The following EYS variants were observed in gnomAD, a reference collection of about 807,000 sequenced individuals.
EYS encodes the protein protein eyes shut homolog.
Under a neutral mutation model 282.1 loss-of-function variants are expected in EYS, and 250 were observed. That is an observed-to-expected ratio of 0.89 (90% CI 0.80 to 0.98). EYS has a LOEUF of 0.98. Ranked by LOEUF, EYS falls within the 50% of genes least tolerant of loss-of-function variation. The pLI is 0.00. For synonymous variants in EYS, 1,355 were observed against 1,282.9 expected (o/e 1.06, Z -1.20); for missense variants, 4,016 against 3,709.0 (o/e 1.08, Z -2.15).
chr6:65,052,523 G>T (rs1773301461), intron 13 of EYS, among the ~76,000 whole-genome samples: 1 of 151,572 alleles, frequency 6.6e-6, no homozygotes, highest in East Asian at 1.9e-4. Flanking sequence ...TATTAGGAAT[G>T]ACTTCCTCAT....
chr6:65,525,038 C>G (rs2127301284), intron 2 of EYS, among the ~76,000 whole-genome samples: 1 of 149,832 alleles, frequency 6.7e-6, no homozygotes, highest in African/African-American at 2.5e-5. Flanking sequence ...GCCACCATGG[C>G]CACTTTTTCT....
chr6:65,397,600 G>A (rs1202120147), intron 7 of EYS, among the ~76,000 whole-genome samples: 1 of 149,514 alleles, frequency 6.7e-6, no homozygotes, highest in Admixed American at 6.7e-5. Flanking sequence ...GTGTGTGTGT[G>A]TGTGTGTGTG....
chr6:64,536,506 A>T (rs1417107221), intron 26 of EYS, among the ~76,000 whole-genome samples: 1 of 152,136 alleles, frequency 6.6e-6, no homozygotes, highest in African/African-American at 2.4e-5. Flanking sequence ...TAGCAAAATA[A>T]ATAACTGTGA....
intron 12 of EYS, among the ~76,000 whole-genome samples, chr6:65,222,129 CT>C (rs1766482667): frequency 6.6e-6 from 1 of 152,076 alleles, no homozygotes; most frequent in Admixed American, 6.5e-5. Flanking sequence ...TGGACTTGGA[CT>C]TTTGGGTTAA....
chr6:65,589,979 G>T (rs1765177026), intron 2 of EYS, among the ~76,000 whole-genome samples: 1 of 151,870 alleles, frequency 6.6e-6, no homozygotes. Context: ...AAAATCATAT[G>T]CTGAAAGCAA....
intron 26 of EYS, among the ~76,000 whole-genome samples, chr6:64,440,158 T>C (rs1774891740): frequency 6.6e-6 from 1 of 151,928 alleles, no homozygotes; most frequent in Admixed American, 6.6e-5. Context: ...AATTATGTAT[T>C]ATTTATAACT....
At chr6:64,844,331 T>C (rs1765656759) in intron 19 of EYS, among the ~76,000 whole-genome samples, 1 of 151,208 alleles carries the variant, frequency 6.6e-6, no homozygotes, top group Admixed American at 6.6e-5. Flanking sequence ...ACTAAAACCA[T>C]GTAATTTAGA....
chr6:64,328,229 T>C (rs1770502427), intron 29 of EYS, among the ~76,000 whole-genome samples: 1 of 152,174 alleles, frequency 6.6e-6, no homozygotes, highest in Non-Finnish European at 1.5e-5. Context: ...CATTATTTAA[T>C]ACAGAAGAGC....
At chr6:64,701,377 A>G (rs1247184671) in intron 22 of EYS, among the ~76,000 whole-genome samples, 1 of 152,118 alleles carries the variant, frequency 6.6e-6, no homozygotes, top group African/African-American at 2.4e-5. Context: ...TAAAATAATC[A>G]ACAGGGTCAA....
intron 2 of EYS, among the ~76,000 whole-genome samples, chr6:65,497,201 G>A (rs534645795): frequency 6.6e-6 from 1 of 152,108 alleles, no homozygotes; most frequent in Admixed American, 6.6e-5. Context: ...AATATGCTCA[G>A]TACCAGGATT....
chr6:64,722,599 A>G (rs140655089), intron 22 of EYS, among the ~76,000 whole-genome samples: 2 of 152,048 alleles, frequency 1.3e-5, no homozygotes, highest in East Asian at 3.9e-4. Context: ...TTTAAATGCT[A>G]TTATACTTTA....
intron 29 of EYS, among the ~76,000 whole-genome samples, chr6:64,313,130 C>T (rs146561605): frequency 0.015 from 2,311 of 152,222 alleles, 49 homozygotes; most frequent in Non-Finnish European, 0.019. Flanking sequence ...AGCTAAGAAC[C>T]TTAAAAACAG....
chr6:63,917,776 G>A (rs966859329), intron 35 of EYS, among the ~76,000 whole-genome samples: 28 of 152,198 alleles, frequency 1.8e-4, no homozygotes, highest in Non-Finnish European at 4.4e-5. Flanking sequence ...CCCTGGGGAT[G>A]TATGCTCCCA....
intron 14 of EYS, among the ~76,000 whole-genome samples, chr6:64,972,670 A>G (rs1296447649): frequency 6.6e-6 from 1 of 152,174 alleles, no homozygotes; most frequent in Non-Finnish European, 1.5e-5. Flanking sequence ...AGTAATGCAT[A>G]TAATATAGAA....
At chr6:64,214,932 A>C (rs1420082792) in intron 31 of EYS, among the ~76,000 whole-genome samples, 1 of 151,998 alleles carries the variant, frequency 6.6e-6, no homozygotes, top group African/African-American at 2.4e-5. Context: ...AATCTGATTG[A>C]GATAATAAGT....
intron 28 of EYS, among the ~76,000 whole-genome samples, chr6:64,435,655 G>A (rs1057177804): frequency 3.3e-5 from 5 of 151,576 alleles, no homozygotes; most frequent in African/African-American, 9.7e-5. Context: ...AAAATCAAAT[G>A]AGAAAAAGGA....
At position 65,481,861 on chromosome 6, in the gene EYS, C is replaced by T. The variant is rs180938397; in HGVS notation, c.862+8733G>A. Among the ~76,000 whole-genome samples, 165 of 152,200 alleles carry T rather than the reference C, an allele frequency of 1.1e-3. 1 individual carries two copies. The highest frequency in any genetic ancestry group is 6.8e-3 in the Middle Eastern group (2 of 294). ...CTGGGATTACAGGCGTGAGCCACTG[C>T]GCCCAGTCCAATTTTGAGACAATTT... On this transcript the variant is annotated intron_variant, in intron 5 of 42. Transcript: ENST00000503581.
intron 34 of EYS, among the ~76,000 whole-genome samples, chr6:63,987,934 G>A (rs955692901): frequency 6.6e-6 from 1 of 151,518 alleles, no homozygotes; most frequent in Non-Finnish European, 1.5e-5. Context: ...ACCCGTAACA[G>A]GTCAAACTAA....
intron 26 of EYS, among the ~76,000 whole-genome samples, chr6:64,547,134 G>T (rs1050527412): frequency 2.0e-5 from 3 of 152,156 alleles, no homozygotes; most frequent in Non-Finnish European, 4.4e-5. Context: ...GAGTGTTACA[G>T]CTCATAAAGG....
Sources: gnomAD v4.1 joint callset for allele counts (sites outside exome capture counted in the v4.1 genomes callset) on GRCh38, gnomAD v4.1.1 for gene constraint, MANE v1.5 for transcripts, NCBI Gene and HGNC (gene_info 2026-07-23, HGNC 2026-07-21) for gene names.